Variants in GNA14 observed in about 807,000 individuals in gnomAD.
GNA14 encodes guanine nucleotide-binding protein subunit alpha-14.
In GNA14, 50 loss-of-function variants were observed where a neutral mutation model predicts 42.0. That is an observed-to-expected ratio of 1.19 (90% confidence interval 0.95 to 1.51). The LOEUF (loss-of-function observed/expected upper bound fraction) is 1.51, where lower values mean the gene tolerates loss of function less well. Among genes scored for constraint, GNA14 ranks in the 40% most tolerant of loss-of-function variants. GNA14 has a pLI of 0.00. For synonymous variants in GNA14, 173 were observed against 163.1 expected, an observed-to-expected ratio of 1.06 and a Z score of -0.46; for missense variants, 473 against 446.2, an observed-to-expected ratio of 1.06 and a Z score of -0.54.
intron 2 of GNA14, among the ~76,000 whole-genome samples, chr9:77,470,759 A>T (rs970815760): frequency 1.3e-5 from 2 of 152,198 alleles, no homozygotes; most frequent in African/African-American, 4.8e-5. Flanking sequence ...TACAAGAAGC[A>T]TGGCTGGGAG....
chr9:77,540,236 G>C (rs1225279284), intron 1 of GNA14, among the ~76,000 whole-genome samples: 1 of 152,024 alleles, frequency 6.6e-6, no homozygotes, highest in Admixed American at 6.6e-5. Flanking sequence ...ACCAAATAAT[G>C]ATTCAGTAGT....
At chr9:77,441,268 G>A (rs1263092373) in intron 2 of GNA14, among the ~76,000 whole-genome samples, 2 of 152,112 alleles carry the variant, frequency 1.3e-5, no homozygotes, top group African/African-American at 4.8e-5. Flanking sequence ...TGCTGTTCTC[G>A]TGATAGTGAG....
At chr9:77,518,587 C>G (rs1289606898) in intron 2 of GNA14, among the ~76,000 whole-genome samples, 1 of 152,196 alleles carries the variant, frequency 6.6e-6, no homozygotes, top group East Asian at 1.9e-4. Context: ...AGGCAGCTAA[C>G]TTAGAGGCAC....
At chr9:77,512,814 T>C (rs1481418468) in intron 2 of GNA14, among the ~76,000 whole-genome samples, 3 of 152,236 alleles carry the variant, frequency 2.0e-5, no homozygotes, top group African/African-American at 7.2e-5. Flanking sequence ...TCTCAGAATA[T>C]ACTATCCAGA....
At chr9:77,441,510 CACTTATTATAGATAATAAAAACTT>C (rs1250347932) in intron 2 of GNA14, among the ~76,000 whole-genome samples, 1 of 152,186 alleles carries the variant, frequency 6.6e-6, no homozygotes, top group Non-Finnish European at 1.5e-5. Context: ...CGGACTAATA[CACTTATTATAGATAATAAAAACTT>C]ACTATTTCAA....
rs1374795276 is a variant in GNA14 at position 77,647,985 on chromosome 9, G to T, written c.-192C>A. On this transcript the variant is annotated 5_prime_UTR_variant, in exon 1 of 7. Transcript: ENST00000341700. ...CCCCTTCGAAAGTCGGCTCTGAGGCGGGGTGAATGCCGAGCGCTGGGAACG... is the reference window on the plus strand; with the variant it reads ...CCCCTTCGAAAGTCGGCTCTGAGGCTGGGTGAATGCCGAGCGCTGGGAACG... 2 of 624,652 alleles carry T rather than the reference G, an allele frequency of 3.2e-6. No homozygotes were observed. The highest frequency in any genetic ancestry group is 1.9e-5 in the African/African-American group (1 of 51,946). The allele number at this position is 624,652 out of a possible 1,614,324, so 38.7% of individuals were successfully genotyped here. A position where few individuals can be genotyped will look rare whatever the true frequency, so the allele number is the denominator to read the frequency against.
intron 2 of GNA14, among the ~76,000 whole-genome samples, chr9:77,507,225 C>T (rs549164537): frequency 6.6e-6 from 1 of 152,174 alleles, no homozygotes; most frequent in African/African-American, 2.4e-5. Flanking sequence ...CAGGAAAATA[C>T]TCAGCTTGTT....
At chr9:77,493,026 AATATATAT>A (rs1172872010) in intron 2 of GNA14, among the ~76,000 whole-genome samples, 57 of 51,722 alleles carry the variant, frequency 1.1e-3, no homozygotes, top group African/African-American at 5.9e-3. Context: ...AAAAAAAAAA[AATATATAT>A]ATATATATAT....
intron 1 of GNA14, among the ~76,000 whole-genome samples, chr9:77,615,745 ACACACACG>A (rs1293356611): frequency 1.3e-4 from 19 of 145,276 alleles, no homozygotes; most frequent in Admixed American, 1.2e-3. Flanking sequence ...ACACACACAC[ACACACACG>A]TTTAAATAAT....
intron 1 of GNA14, among the ~76,000 whole-genome samples, chr9:77,536,207 GATT>G (rs1203706481): frequency 6.6e-6 from 1 of 152,120 alleles, no homozygotes; most frequent in African/African-American, 2.4e-5. Flanking sequence ...CAACAAAAGA[GATT>G]AATACAAGGC....
At chr9:77,567,831 T>C (rs929065037) in intron 1 of GNA14, among the ~76,000 whole-genome samples, 56 of 135,906 alleles carry the variant, frequency 4.1e-4, no homozygotes, top group African/African-American at 1.8e-3. Flanking sequence ...TGCACCACTG[T>C]ACTCCAGCCT....
At chr9:77,547,181 C>G (rs1018825045) in intron 1 of GNA14, among the ~76,000 whole-genome samples, 1 of 152,122 alleles carries the variant, frequency 6.6e-6, no homozygotes, top group Non-Finnish European at 1.5e-5. Context: ...ATAAAACCAG[C>G]GAACAACATA....
intron 1 of GNA14, among the ~76,000 whole-genome samples, chr9:77,620,615 G>A (rs1262791500): frequency 2.0e-5 from 3 of 152,018 alleles, no homozygotes; most frequent in South Asian, 2.1e-4. Flanking sequence ...TTGGGAGGTC[G>A]AGGCAGGTGG....
chr9:77,435,524 A>AC (rs556146526), intron 2 of GNA14, among the ~76,000 whole-genome samples: 3 of 151,300 alleles, frequency 2.0e-5, no homozygotes, highest in Non-Finnish European at 4.4e-5. Context: ...CCAATGCACT[A>AC]CTCTCCCCAC....
chr9:77,471,988 TCAC>T (rs1273241531), intron 2 of GNA14, among the ~76,000 whole-genome samples: 1 of 152,196 alleles, frequency 6.6e-6, no homozygotes, highest in Non-Finnish European at 1.5e-5. Context: ...CCCCATGGAA[TCAC>T]CACATTAATA....
intron 1 of GNA14, among the ~76,000 whole-genome samples, chr9:77,575,118 G>A (rs1175381820): frequency 1.3e-5 from 2 of 152,178 alleles, no homozygotes; most frequent in African/African-American, 4.8e-5. Context: ...TCCAGAGTTG[G>A]GGCTTTGACC....
intron 1 of GNA14, among the ~76,000 whole-genome samples, chr9:77,586,625 T>A (rs1026527546): frequency 1.3e-5 from 2 of 152,224 alleles, no homozygotes; most frequent in Non-Finnish European, 2.9e-5. Flanking sequence ...GGCGGCCAAG[T>A]GGGCCTTCTA....
intron 2 of GNA14, among the ~76,000 whole-genome samples, chr9:77,507,524 C>T (rs1837091395): frequency 1.3e-5 from 2 of 152,106 alleles, no homozygotes; most frequent in African/African-American, 2.4e-5. Context: ...ACTGAACCCC[C>T]GAGCATCACA....
At chr9:77,523,951 C>A (rs1196303562) in intron 2 of GNA14, among the ~76,000 whole-genome samples, 4 of 152,160 alleles carry the variant, frequency 2.6e-5, no homozygotes, top group Non-Finnish European at 4.4e-5. Flanking sequence ...GTTCAAGAGA[C>A]TGCAAACAGC....
Sources: allele counts gnomAD v4.1 joint callset (sites outside exome capture counted in the v4.1 genomes callset), GRCh38; gene constraint gnomAD v4.1.1; transcripts MANE v1.5; gene names NCBI Gene and HGNC (gene_info 2026-07-23, HGNC 2026-07-21).